The following LAMC3 variants were observed in gnomAD, a reference collection of about 807,000 sequenced individuals.
LAMC3 encodes laminin subunit gamma 3.
Under a neutral mutation model 173.8 loss-of-function variants are expected in LAMC3, and 128 were observed. That is an observed-to-expected ratio of 0.74 (90% CI 0.64 to 0.85). The LOEUF is 0.85. Ranked by LOEUF, LAMC3 falls within the 40% of genes least tolerant of loss-of-function variation. The probability of loss-of-function intolerance (pLI) is 0.00; values close to 1 mark genes in which losing one functional copy is unlikely to be tolerated. For missense variants in LAMC3, 2,022 were observed against 2,156.0 expected (o/e 0.94, Z 1.23); for synonymous variants, 897 against 909.1 (o/e 0.99, Z 0.24).
chr9:131,081,131 T>C (rs1461139419), intron 23 of LAMC3, among the ~76,000 whole-genome samples: 1 of 152,206 alleles, frequency 6.6e-6, no homozygotes, highest in Non-Finnish European at 1.5e-5. Flanking sequence ...TCCAGCTCTT[T>C]TGCAGAAATG....
intron 7 of LAMC3, among the ~76,000 whole-genome samples, chr9:131,043,538 C>G (rs1022355214): frequency 6.6e-6 from 1 of 152,186 alleles, no homozygotes; most frequent in Non-Finnish European, 1.5e-5. Flanking sequence ...AAAGAGCTCT[C>G]AGGGCTGAAA....
chr9:131,041,824 CA>C, intron 7 of LAMC3, 89 bp downstream of exon 7: 1 of 1,125,116 alleles, frequency 8.9e-7, no homozygotes. Flanking sequence ...CGGGGAGGAG[CA>C]AGGGGCACGG....
rs1251793039 is a variant in LAMC3, at chr9:131,038,858, C to T, written c.977-6C>T. 3.7e-6 allele frequency: 6 copies of T among 1,612,826 alleles called. No homozygotes were observed. Among genetic ancestry groups the T allele is most frequent in the Non-Finnish European group, 5.1e-6 (6 of 1,179,984 alleles). ...CTCACACACCTTTCCCCACTCCTGC[C>T]CATAGCCTGCAACTGCAGTGGCCGC... On this transcript the variant is annotated splice_polypyrimidine_tract_variant and splice_region_variant and intron_variant, in intron 4 of 27. Coordinates refer to ENST00000361069, the MANE Select transcript of LAMC3 (RefSeq NM_006059.4).
rs780998964 is a variant in LAMC3 at position 131,072,702 on chromosome 9, A to C, written c.3284A>C (p.Gln1095Pro). The C allele has an allele frequency of 2.5e-6, 4 of 1,612,270 alleles. No individual in the cohort carries two copies. In the Admixed American group the frequency reaches 6.7e-5, roughly 27 times the overall value. Residue 1095 changes from glutamine (Q) to proline (P), a missense_variant, in exon 19 of 28, where the codon CAG becomes CCG. Coordinates refer to ENST00000361069, the MANE Select transcript of LAMC3 (RefSeq NM_006059.4). Reference protein sequence around the residue: ...GAVKAAREQLQRLNKGARCAQ... With the variant: ...GAVKAAREQLPRLNKGARCAQ... ...GTCAAGGCCGCCCGGGAGCAGCTGC[A>C]GAGGCTGAACAAGGGTGCCCGCTGT...
intron 24 of LAMC3, among the ~76,000 whole-genome samples, chr9:131,084,708 C>T (rs566205894): frequency 6.6e-6 from 1 of 151,808 alleles, no homozygotes; most frequent in East Asian, 1.9e-4. Context: ...ATCAGCCTGG[C>T]CAACATGGTG....
intron 25 of LAMC3, 129 bp downstream of exon 25, chr9:131,085,852 A>C: frequency 1.2e-6 from 1 of 846,466 alleles, no homozygotes; most frequent in Non-Finnish European, 2.0e-6. Flanking sequence ...CCAGGCAATT[A>C]GCTCAGAGAC....
In LAMC3 at chr9:131,073,267, G is replaced by T; in HGVS notation, c.3440G>T (p.Ser1147Ile). ...CAGGAGATTCCTCAGGAAGGTCCCA[G>T]TCAGCCGACCAAATGGAGCCACCTG... ...ASLEIPQEGP[S>I]QPTKWSHLAT... is the part of the protein sequence containing the mutation. The change falls in exon 20 of 28, where the codon AGT becomes ATT. Residue 1147 changes from serine (S) to isoleucine (I), a missense_variant. Transcript: ENST00000361069. The T allele has an allele frequency of 6.2e-7, 1 of 1,613,650 alleles. No homozygotes were observed.
At position 131,026,761 on chromosome 9, in the gene LAMC3, G is replaced by A. The variant is rs1444901495; in HGVS notation, c.678+172G>A. On this transcript the variant is annotated intron_variant, in intron 2 of 27. Transcript: ENST00000361069. This position sits in a 1 kb window ranked among gnomAD's most constrained non-coding sequence, Gnocchi z 4.8. ...GTCTTGCTCTGTCGCCCAGGCTGGA[G>A]TGCAGTGACGCGATTTCGGTTCACT... Among the ~76,000 whole-genome samples, 1 of 152,156 alleles carries A rather than the reference G, an allele frequency of 6.6e-6. No individual in the cohort carries two copies. Among genetic ancestry groups the A allele is most frequent in the African/African-American group, 2.4e-5 (1 of 41,422 alleles).
intron 1 of LAMC3, chr9:131,021,063 C>G (rs1833615049): frequency 6.6e-6 from 1 of 152,212 alleles, no homozygotes; most frequent in African/African-American, 2.4e-5. Context: ...TTTCCCAACA[C>G]TTCTCGTGTA....
intron 11 of LAMC3, 133 bp from the exon 12 acceptor site, chr9:131,056,796 A>G (rs376438582): frequency 7.8e-6 from 6 of 767,990 alleles, no homozygotes. Context: ...TCTCAAAAAA[A>G]GAAAAATCAT....
chr9:131,057,073 T>G lies in LAMC3; in HGVS notation c.2084T>G (p.Met695Arg). ...ESCAPGYKRE[M>R]PQGGPYASCV... ...TGTGCTCCGGGATACAAGAGGGAGA[T>G]GCCACAGGGGGGTCCCTATGCCAGC... The change falls in exon 12 of 28, where the codon ATG becomes AGG. Residue 695 changes from methionine (M) to arginine (R), a missense_variant. Transcript: ENST00000361069. The G allele has an allele frequency of 6.2e-7, 1 of 1,614,144 alleles. No individual in the cohort carries two copies. The highest frequency in any genetic ancestry group is 8.5e-7 in the Non-Finnish European group (1 of 1,180,020).
At chr9:131,087,370 G>A in intron 25 of LAMC3, 106 bp from the exon 26 acceptor site, 1 of 1,375,944 alleles carries the variant, frequency 7.3e-7, no homozygotes, top group Non-Finnish European at 1.0e-6. Flanking sequence ...TGAATGATCT[G>A]CCTGGTACAG....
At chr9:131,088,217 T>TGGTCTGGGATCAGACTAAGATTCA (rs1830363161) in intron 27 of LAMC3, among the ~76,000 whole-genome samples, 1 of 152,198 alleles carries the variant, frequency 6.6e-6, no homozygotes, top group African/African-American at 2.4e-5. Context: ...CATCAGGTGC[T>TGGTCTGGGATCAGACTAAGATTCA]GGTCTGGGAT....
intron 1 of LAMC3, among the ~76,000 whole-genome samples, chr9:131,025,155 C>T (rs1001124209): frequency 2.0e-5 from 3 of 152,142 alleles, no homozygotes; most frequent in Admixed American, 6.5e-5. Context: ...GCGCCCGCAC[C>T]CCAGGCTCCC....
At chr9:131,067,283 G>C in intron 14 of LAMC3, 78 bp downstream of exon 14, 2 of 1,583,408 alleles carry the variant, frequency 1.3e-6, no homozygotes, top group East Asian at 4.5e-5. Flanking sequence ...GCCCAGAAGG[G>C]GTGGCTGAGG....
At position 131,069,919 on chromosome 9, in the gene LAMC3, G is replaced by T. The variant is rs1045113428; in HGVS notation, c.3069+69G>T. ...TCCCAGCAAGTGCCAGCTCTATGCC[G>T]GGCACCAGGAACTGCCTGCTTACCC... is the stretch of plus-strand genomic sequence containing the variant. On this transcript the variant is annotated intron_variant, in intron 17 of 27. Transcript: ENST00000361069. 3.4e-6 allele frequency: 5 copies of T among 1,475,594 alleles called. No individual in the cohort carries two copies. In the Admixed American group the frequency reaches 9.8e-5, roughly 29 times the overall value. The allele number at this position is 1,475,594 out of a possible 1,614,324, so 91.4% of individuals were successfully genotyped here. A position where few individuals can be genotyped will look rare whatever the true frequency, so the allele number is the denominator to read the frequency against.
chr9:131,085,198 C>T (rs1588170748), intron 24 of LAMC3, among the ~76,000 whole-genome samples: 1 of 152,114 alleles, frequency 6.6e-6, no homozygotes, highest in African/African-American at 2.4e-5. Flanking sequence ...CATGAAAATG[C>T]CGAGCTGAGC....
At chr9:131,063,941 T>C (rs1223933688) in intron 13 of LAMC3, among the ~76,000 whole-genome samples, 2 of 152,136 alleles carry the variant, frequency 1.3e-5, no homozygotes, top group Non-Finnish European at 1.5e-5. Context: ...AGAGTCTCAC[T>C]CTGTCCCCCA....
At chr9:131,066,530 TGAA>T (rs1467671405) in intron 13 of LAMC3, among the ~76,000 whole-genome samples, 3 of 151,940 alleles carry the variant, frequency 2.0e-5, no homozygotes, top group South Asian at 4.2e-4. Context: ...AGGATGATGA[TGAA>T]GAAGGTCATG....
Sources: gnomAD v4.1 joint callset for allele counts (sites outside exome capture counted in the v4.1 genomes callset) on GRCh38, gnomAD v4.1.1 for gene constraint, Gnocchi (gnomAD v3.1) non-coding constraint, MANE v1.5 for transcripts, NCBI Gene and HGNC (gene_info 2026-07-23, HGNC 2026-07-21) for gene names.